FARS2: variants seen among roughly 807,000 people sequenced by gnomAD.
The protein encoded by FARS2 is phenylalanine--tRNA ligase, mitochondrial.
In FARS2, 40 loss-of-function variants were observed where a neutral mutation model predicts 46.4. The ratio of observed to expected loss-of-function variants is 0.86; its 90% CI spans 0.67 to 1.12. The LOEUF (loss-of-function observed/expected upper bound fraction) is 1.12. Ranked by LOEUF, FARS2 falls within the 50% of genes most tolerant of loss-of-function variation. FARS2 has a pLI of 0.00. For synonymous variants in FARS2, 234 were observed against 214.9 expected (o/e 1.09, Z -0.78); for missense variants, 513 against 567.9 (o/e 0.90, Z 0.98).
At chr6:5,438,213 T>C (rs1332344396) in intron 4 of FARS2, among the ~76,000 whole-genome samples, 1 of 149,936 alleles carries the variant, frequency 6.7e-6, no homozygotes, top group East Asian at 2.0e-4. Flanking sequence ...CTGTGCTGTC[T>C]TTAGTTACTT....
intron 4 of FARS2, among the ~76,000 whole-genome samples, chr6:5,493,743 G>T (rs557745439): frequency 1.3e-5 from 2 of 152,186 alleles, no homozygotes; most frequent in Non-Finnish European, 2.9e-5. Context: ...CACCCGGAAT[G>T]AATGAAGGTC....
intron 1 of FARS2, among the ~76,000 whole-genome samples, chr6:5,325,451 C>T (rs1770304320): frequency 6.6e-6 from 1 of 152,230 alleles, no homozygotes; most frequent in South Asian, 2.1e-4. Context: ...GCCTGGGCTG[C>T]CTGTCTGTGC....
chr6:5,524,379 CA>C (rs1339484951), intron 4 of FARS2, among the ~76,000 whole-genome samples: 1 of 152,194 alleles, frequency 6.6e-6, no homozygotes, highest in Non-Finnish European at 1.5e-5. Context: ...GAGGAAGCTA[CA>C]GGGAATCCTA....
chr6:5,767,037 C>G (rs1762788046), intron 6 of FARS2, among the ~76,000 whole-genome samples: 1 of 151,532 alleles, frequency 6.6e-6, no homozygotes, highest in African/African-American at 2.4e-5. Context: ...GTGGATATAC[C>G]ACATTTTGTT....
chr6:5,492,838 T>G (rs1168899874), intron 4 of FARS2, among the ~76,000 whole-genome samples: 2 of 118,966 alleles, frequency 1.7e-5, no homozygotes, highest in Non-Finnish European at 3.7e-5. Flanking sequence ...GCAGAGTGGC[T>G]AGAGTGTATA....
intron 1 of FARS2, among the ~76,000 whole-genome samples, chr6:5,285,745 G>A (rs1257059836): frequency 2.0e-5 from 3 of 152,220 alleles, no homozygotes; most frequent in Non-Finnish European, 4.4e-5. Context: ...GTCTGTCTCA[G>A]TGATGTTATC....
At chr6:5,426,379 T>C (rs1391477025) in intron 3 of FARS2, among the ~76,000 whole-genome samples, 2 of 152,204 alleles carry the variant, frequency 1.3e-5, no homozygotes, top group African/African-American at 4.8e-5. Flanking sequence ...CTTCTAATAC[T>C]TGACATGTGA....
intron 1 of FARS2, among the ~76,000 whole-genome samples, chr6:5,357,859 G>A (rs978177767): frequency 6.6e-6 from 1 of 152,198 alleles, no homozygotes; most frequent in South Asian, 2.1e-4. Flanking sequence ...GTGTTATGAG[G>A]ATTAAAAGAA....
chr6:5,724,772 T>C (rs1289414686), intron 6 of FARS2, among the ~76,000 whole-genome samples: 2 of 152,376 alleles, frequency 1.3e-5, no homozygotes, highest in East Asian at 3.9e-4. Context: ...CAGGGAATTC[T>C]TCTTTACATT....
chr6:5,399,128 TTA>T (rs1196687180), intron 2 of FARS2, among the ~76,000 whole-genome samples: 3 of 22,166 alleles, frequency 1.4e-4, no homozygotes, highest in South Asian at 2.0e-3. Context: ...TTATATTATT[TTA>T]TTATTATTAT....
intron 4 of FARS2, among the ~76,000 whole-genome samples, chr6:5,514,810 A>G (rs918127936): frequency 4.6e-5 from 7 of 151,094 alleles, no homozygotes; most frequent in Non-Finnish European, 1.5e-5. Flanking sequence ...TGTGTTGCCT[A>G]GGCTGGAGTG....
At chr6:5,442,919 G>A (rs1763923137) in intron 4 of FARS2, among the ~76,000 whole-genome samples, 1 of 152,138 alleles carries the variant, frequency 6.6e-6, no homozygotes, top group African/African-American at 2.4e-5. Flanking sequence ...CTTCTCTCAA[G>A]CTGTGGTATC....
chr6:5,268,614 G>A (rs1411241255), intron 1 of FARS2, among the ~76,000 whole-genome samples: 4 of 152,040 alleles, frequency 2.6e-5, no homozygotes, highest in East Asian at 1.9e-4. Flanking sequence ...TAGCCTGGTA[G>A]TATAGTTTGA....
chr6:5,327,536 C>G (rs1374157493), intron 1 of FARS2, among the ~76,000 whole-genome samples: 1 of 152,122 alleles, frequency 6.6e-6, no homozygotes, highest in Non-Finnish European at 1.5e-5. Flanking sequence ...AAGGAAAGTT[C>G]CCCTGCACAC....
chr6:5,251,347 G>A, the FARS2 span, among the ~76,000 whole-genome samples: 1 of 152,210 alleles, frequency 6.6e-6, no homozygotes, highest in Non-Finnish European at 1.5e-5. Context: ...GAATTAGTCT[G>A]TTCTCACATT....
chr6:5,578,606 G>C (rs981999245), intron 5 of FARS2, among the ~76,000 whole-genome samples: 1 of 151,608 alleles, frequency 6.6e-6, no homozygotes, highest in Non-Finnish European at 1.5e-5. Flanking sequence ...TCAGGAGATC[G>C]ACACCATCCT....
At chr6:5,376,037 G>C (rs539165840) in intron 2 of FARS2, among the ~76,000 whole-genome samples, 1 of 152,082 alleles carries the variant, frequency 6.6e-6, no homozygotes, top group South Asian at 2.1e-4. Context: ...ACATTTCTAC[G>C]TGCTGGGTGG....
At chr6:5,647,842 T>A (rs962839147) in intron 6 of FARS2, among the ~76,000 whole-genome samples, 2 of 152,168 alleles carry the variant, frequency 1.3e-5, no homozygotes, top group African/African-American at 4.8e-5. Flanking sequence ...CCTTTTTTCA[T>A]CTCCTGTAAT....
rs146608909 is a variant in FARS2 at position 5,649,151 on chromosome 6, A to T, written c.1217+35831A>T. Among the ~76,000 whole-genome samples, 112 of 152,326 alleles carry T rather than the reference A, an allele frequency of 7.4e-4. 1 individual carries two copies. The East Asian group carries it at 0.014, about 20-fold the overall frequency. On this transcript the variant is annotated intron_variant, in intron 6 of 6. Transcript: ENST00000274680. The stretch of plus-strand genomic sequence containing the variant: ...GTGCTTGGTAAATCTCCTTGAATTA[A>T]TGAGTCTTGCAGAATTATGGCTGAT...
Sources: gnomAD v4.1 joint callset for allele counts (sites outside exome capture counted in the v4.1 genomes callset) on GRCh38, gnomAD v4.1.1 for gene constraint, MANE v1.5 for transcripts, NCBI Gene and HGNC (gene_info 2026-07-23, HGNC 2026-07-21) for gene names.